Variants in FER observed in about 807,000 individuals in gnomAD.
FER encodes the protein FER tyrosine kinase, also known as tyrosine-protein kinase Fer.
Under a neutral mutation model 111.0 loss-of-function variants are expected in FER, and 63 were observed. The ratio of observed to expected loss-of-function variants is 0.57; its 90% CI spans 0.46 to 0.70. The LOEUF is 0.70. Among genes scored for constraint, FER ranks in the 30% least tolerant of loss-of-function variants. The pLI, the probability that FER is intolerant of heterozygous loss-of-function variation, is 0.00. For synonymous variants in FER, 327 were observed against 313.9 expected, an observed-to-expected ratio of 1.04 and a Z score of -0.44; for missense variants, 914 against 954.0, an observed-to-expected ratio of 0.96 and a Z score of 0.55.
chr5:108,946,115 T>G lies in FER; in HGVS notation c.1237-15T>G. On this transcript the variant is annotated splice_polypyrimidine_tract_variant and intron_variant, in intron 10 of 19. Transcript: ENST00000281092. Reference sequence around the variant, plus strand: ...AGTTTACTGTTGCTGAAGGCTTGTTTCTTAATCCCTCCAGGAAAGAAAGGA... The same window carrying G: ...AGTTTACTGTTGCTGAAGGCTTGTTGCTTAATCCCTCCAGGAAAGAAAGGA... 2 of 1,599,200 alleles carry G rather than the reference T, an allele frequency of 1.3e-6. No homozygotes were observed. The highest frequency in any genetic ancestry group is 1.7e-6 in the Non-Finnish European group (2 of 1,167,424).
chr5:109,181,272 A>G (rs1161643904), intron 18 of FER, among the ~76,000 whole-genome samples: 1 of 152,164 alleles, frequency 6.6e-6, no homozygotes, highest in Non-Finnish European at 1.5e-5. Flanking sequence ...TAGGTTCCTA[A>G]AATATTAAGT....
chr5:108,833,756 C>T (rs1760300931), intron 4 of FER, among the ~76,000 whole-genome samples: 1 of 151,832 alleles, frequency 6.6e-6, no homozygotes, highest in African/African-American at 2.4e-5. Context: ...CGCCTGTAGT[C>T]CCAGCTACTC....
chr5:108,949,221 A>G (rs1405980313), intron 11 of FER, among the ~76,000 whole-genome samples: 1 of 152,016 alleles, frequency 6.6e-6, no homozygotes, highest in Non-Finnish European at 1.5e-5. Flanking sequence ...TTCATGCATG[A>G]TGTGAACTGC....
intron 16 of FER, among the ~76,000 whole-genome samples, chr5:109,089,846 AAC>A (rs1777965691): frequency 6.6e-6 from 1 of 152,138 alleles, no homozygotes; most frequent in South Asian, 2.1e-4. Context: ...CCTGACCCCA[AAC>A]ACTGATGAAA....
chr5:108,835,592 A>G (rs1760570883), intron 4 of FER, 116 bp from the exon 5 acceptor site: 2 of 560,314 alleles, frequency 3.6e-6, no homozygotes, highest in Non-Finnish European at 3.1e-6. Context: ...ATATTAAAGG[A>G]CAACTCTGAC....
intron 11 of FER, among the ~76,000 whole-genome samples, chr5:108,950,479 C>T (rs948540072): frequency 1.3e-5 from 2 of 151,994 alleles, no homozygotes; most frequent in Admixed American, 6.6e-5. Flanking sequence ...GCCAATTCAG[C>T]TTTACTGCTA....
intron 10 of FER, among the ~76,000 whole-genome samples, chr5:108,909,002 G>A (rs1039317550): frequency 3.3e-5 from 5 of 152,176 alleles, no homozygotes; most frequent in Non-Finnish European, 5.9e-5. Context: ...CTGTTCTCCA[G>A]CCTGGGCAAC....
rs1212145509 is a variant in FER, at chr5:108,798,213, C to T, written c.31C>T (p.His11Tyr). 6.2e-7 allele frequency: 1 copy of T among 1,614,026 alleles called. No homozygotes were observed. Among genetic ancestry groups the T allele is most frequent in the Non-Finnish European group, 8.5e-7 (1 of 1,180,008 alleles). The change falls in exon 3 of 20, where the codon CAT becomes TAT. Residue 11 changes from histidine to tyrosine, a missense_variant. Physicochemically the swap from His to Tyr is moderately conservative, Grantham distance 83. Transcript: ENST00000281092. ...GTTTGGGAGTGACCTGAAGAATTCA[C>T]ATGAAGCAGTGTTAAAATTGCAAGA... MGFGSDLKNSHEAVLKLQDWE... is the reference protein window; with the variant it reads MGFGSDLKNSYEAVLKLQDWE...
chr5:108,833,821 C>T lies in FER; in HGVS notation c.381+878C>T, dbSNP rs373990652. Reference sequence around the variant, plus strand: ...CCTGGAAGGTGGAGGTTGCAGTGAGCGGAGATCGCACCACTGCACTCCAGC... The same window carrying T: ...CCTGGAAGGTGGAGGTTGCAGTGAGTGGAGATCGCACCACTGCACTCCAGC... On this transcript the variant is annotated intron_variant, in intron 4 of 19. Coordinates refer to ENST00000281092, the MANE Select transcript of FER (RefSeq NM_005246.4). Among the ~76,000 whole-genome samples, 5 of 149,960 alleles carry T rather than the reference C, an allele frequency of 3.3e-5. No individual in the cohort carries two copies. The South Asian group carries it at 6.3e-4, about 19-fold the overall frequency.
At chr5:108,770,324 T>C (rs1350491968) in intron 2 of FER, among the ~76,000 whole-genome samples, 1 of 152,226 alleles carries the variant, frequency 6.6e-6, no homozygotes, top group Non-Finnish European at 1.5e-5. Context: ...ATAATTGGTC[T>C]ATACTTTTAT....
In FER at chr5:109,080,125, T is replaced by G. The variant is rs187617432; in HGVS notation, c.1925-20271T>G. On this transcript the variant is annotated intron_variant, in intron 16 of 19. Coordinates refer to ENST00000281092, the MANE Select transcript of FER (RefSeq NM_005246.4). ...TATACATAGCATTTTTCTATCTGCTTGCTCATTAAACTTATATGCATGTCA... is the reference window on the plus strand; with the variant it reads ...TATACATAGCATTTTTCTATCTGCTGGCTCATTAAACTTATATGCATGTCA... Among the ~76,000 whole-genome samples, 335 of 152,242 alleles carry G rather than the reference T, an allele frequency of 2.2e-3. 3 individuals carry two copies. Among genetic ancestry groups the G allele is most frequent in the Middle Eastern group, 0.017 (5 of 292 alleles).
At chr5:108,880,945 CTT>C (rs1336064826) in intron 8 of FER, among the ~76,000 whole-genome samples, 1 of 151,956 alleles carries the variant, frequency 6.6e-6, no homozygotes, top group Non-Finnish European at 1.5e-5. Context: ...TTCTGCCTCT[CTT>C]ATTTCTATTA....
At chr5:109,013,049 T>G (rs1251643554) in intron 13 of FER, among the ~76,000 whole-genome samples, 2 of 150,396 alleles carry the variant, frequency 1.3e-5, no homozygotes, top group Non-Finnish European at 3.0e-5. Context: ...GTGTTATCAT[T>G]GCTTTTGCTT....
At chr5:108,998,319 C>G (rs2149771604) in intron 13 of FER, among the ~76,000 whole-genome samples, 1 of 152,106 alleles carries the variant, frequency 6.6e-6, no homozygotes, top group East Asian at 1.9e-4. Context: ...ATTGTGAAGA[C>G]TGGGAAAAGC....
Position 108,954,829 on chromosome 5 carries a change from A to G in FER, c.1430A>G (p.Gln477Arg). Residue 477 changes from glutamine to arginine, a missense_variant, in exon 12 of 20, where the codon CAA (glutamine) becomes CGA (arginine). Gln to Arg is a conservative substitution (Grantham distance 43). This residue lies in a region of FER where 774 missense variants were observed against 782.6 expected (regional missense o/e 0.99). Transcript: ENST00000281092. ...RIEAQELLKK[Q>R]GDFLVRESHG... Reference sequence around the variant, plus strand: ...GAAGCTCAAGAACTGTTAAAAAAACAAGGAGACTTTTTGGTGCGAGAGAGT... The same window carrying G: ...GAAGCTCAAGAACTGTTAAAAAAACGAGGAGACTTTTTGGTGCGAGAGAGT... 1 of 1,612,542 alleles carries G rather than the reference A, an allele frequency of 6.2e-7. No individual in the cohort carries two copies. The highest frequency in any genetic ancestry group is 8.5e-7 in the Non-Finnish European group (1 of 1,179,194).
intron 5 of FER, 105 bp from the exon 6 acceptor site, chr5:108,867,662 T>C (rs1273927910): frequency 8.8e-7 from 1 of 1,135,942 alleles, no homozygotes; most frequent in East Asian, 2.6e-5. Flanking sequence ...GTTTAAAAAA[T>C]GCGTGAAATA....
chr5:108,823,431 T>G (rs900393652), intron 3 of FER, among the ~76,000 whole-genome samples: 6 of 152,204 alleles, frequency 3.9e-5, no homozygotes, highest in African/African-American at 1.4e-4. Flanking sequence ...CTTCACATCT[T>G]TGTCAACACT....
At chr5:108,890,752 C>T (rs1747917049) in intron 9 of FER, among the ~76,000 whole-genome samples, 1 of 152,104 alleles carries the variant, frequency 6.6e-6, no homozygotes, top group Admixed American at 6.6e-5. Flanking sequence ...TACAATTCAA[C>T]CCCTAACAGT....
chr5:108,954,400 C>T lies in FER; in HGVS notation c.1330-329C>T, dbSNP rs575813116. On this transcript the variant is annotated intron_variant, in intron 11 of 19. Transcript: ENST00000281092. Reference sequence around the variant, plus strand: ...TTTGTGATACATTTCTGTTAATTCCCTCCTTTTCTTCATAATTTCTCTGGT... The same window carrying T: ...TTTGTGATACATTTCTGTTAATTCCTTCCTTTTCTTCATAATTTCTCTGGT... Among the ~76,000 whole-genome samples the T allele has an allele frequency of 1.9e-4, 29 of 152,136 alleles. No homozygotes were observed. The South Asian group carries it at 5.8e-3, about 30-fold the overall frequency.
Sources: allele counts gnomAD v4.1 joint callset (sites outside exome capture counted in the v4.1 genomes callset), GRCh38; gene constraint gnomAD v4.1.1; regional missense constraint gnomAD v4.1.1; transcripts MANE v1.5; gene names NCBI Gene and HGNC (gene_info 2026-07-23, HGNC 2026-07-21).